The following VPS13A variants were observed in gnomAD, a reference collection of about 807,000 sequenced individuals.
The protein encoded by VPS13A is intermembrane lipid transfer protein VPS13A.
In VPS13A, 264 loss-of-function variants were observed where a neutral mutation model predicts 390.9. The observed-to-expected ratio is 0.68, with a 90% CI of 0.61 to 0.75. The LOEUF (loss-of-function observed/expected upper bound fraction) is 0.75. VPS13A is among the 30% of genes least tolerant of loss of function. The pLI, the probability that VPS13A is intolerant of heterozygous loss-of-function variation, is 0.00. For synonymous variants in VPS13A, 1,231 were observed against 1,227.1 expected (o/e 1.00, Z -0.07); for missense variants, 3,409 against 3,733.9 (o/e 0.91, Z 2.27).
chr9:77,189,037 A>C (rs146641431), intron 1 of VPS13A, among the ~76,000 whole-genome samples: 1 of 151,888 alleles, frequency 6.6e-6, no homozygotes, highest in East Asian at 1.9e-4. Flanking sequence ...TATAGCTTGC[A>C]AATGTTTTCT....
At chr9:77,328,121 T>C (rs1490221186) in intron 45 of VPS13A, among the ~76,000 whole-genome samples, 1 of 152,228 alleles carries the variant, frequency 6.6e-6, no homozygotes, top group East Asian at 1.9e-4. Context: ...ATCAATTTGC[T>C]ACAGAATAGA....
intron 23 of VPS13A, among the ~76,000 whole-genome samples, chr9:77,262,434 G>GT (rs548494268): frequency 4.1e-4 from 62 of 151,260 alleles, no homozygotes; most frequent in East Asian, 3.9e-3. Flanking sequence ...TGTAAAGAAG[G>GT]TTTTTTTTTA....
intron 19 of VPS13A, 43 bp from the exon 20 acceptor site, chr9:77,247,216 A>G (rs751458387): frequency 1.3e-5 from 19 of 1,461,342 alleles, no homozygotes; most frequent in Non-Finnish European, 1.8e-5. Context: ...TTTCTCGAGT[A>G]ATTTGTGAAA....
At chr9:77,403,452 C>G in intron 69 of VPS13A, 131 bp downstream of exon 69, 1 of 777,790 alleles carries the variant, frequency 1.3e-6, no homozygotes, top group Non-Finnish European at 2.2e-6. Flanking sequence ...GCTCCACAAG[C>G]CTAACTCGCT....
intron 23 of VPS13A, among the ~76,000 whole-genome samples, chr9:77,261,195 G>A (rs915771497): frequency 2.0e-5 from 3 of 151,816 alleles, no homozygotes; most frequent in Non-Finnish European, 2.9e-5. Flanking sequence ...CACCGTGCCC[G>A]GCCTGTATTC....
intron 17 of VPS13A, among the ~76,000 whole-genome samples, chr9:77,228,705 C>T (rs1351309633): frequency 6.6e-6 from 1 of 152,062 alleles, no homozygotes; most frequent in Non-Finnish European, 1.5e-5. Context: ...TGTATTAGTC[C>T]ATTTTCATGC....
Position 77,323,320 on chromosome 9 carries a change from A to T in VPS13A, c.5991+93A>T, listed in dbSNP as rs1399497959. 7.6e-6 allele frequency: 11 copies of T among 1,450,956 alleles called. No homozygotes were observed. In the East Asian group the frequency reaches 2.6e-4, roughly 34 times the overall value. The allele number at this position is 1,450,956 out of a possible 1,614,324, so 89.9% of individuals were successfully genotyped here. On this transcript the variant is annotated intron_variant, in intron 45 of 71. Transcript: ENST00000360280. ...ACAACAACAAATTATTACTGAAAGA[A>T]TATAAACCGTAACAGTAATACAGCT...
Position 77,226,543 on chromosome 9 carries a change from A to G in VPS13A, c.1302A>G (p.Leu434=), listed in dbSNP as rs776673056. 1.5e-5 allele frequency: 24 copies of G among 1,613,200 alleles called. No homozygotes were observed. The highest frequency in any genetic ancestry group is 5.5e-5 in the South Asian group (5 of 91,060). ...ATAATAAAGGGTGGTTTAGCTGGCT[A>G]TGGTCTTGGTCAGAACAAAATACTA... ...PEDNKGWFSW[L]WSWSEQNTNE... Residue 434 remains leucine, a synonymous_variant, in exon 15 of 72, where the codon CTA becomes CTG. Coordinates refer to ENST00000360280, the MANE Select transcript of VPS13A (RefSeq NM_033305.3).
intron 45 of VPS13A, among the ~76,000 whole-genome samples, chr9:77,324,992 G>T (rs1381463136): frequency 2.0e-5 from 3 of 152,124 alleles, no homozygotes; most frequent in Admixed American, 2.0e-4. Context: ...CCTTTCTTAG[G>T]AATAGAAAGC....
intron 33 of VPS13A, among the ~76,000 whole-genome samples, chr9:77,298,521 G>A (rs1421099732): frequency 6.6e-6 from 1 of 152,148 alleles, no homozygotes; most frequent in African/African-American, 2.4e-5. Context: ...TGAATTAATA[G>A]TGTATCATTT....
At chr9:77,400,483 T>G (rs1482058945) in intron 68 of VPS13A, among the ~76,000 whole-genome samples, 1 of 152,094 alleles carries the variant, frequency 6.6e-6, no homozygotes, top group African/African-American at 2.4e-5. Flanking sequence ...TAACAATTTT[T>G]TATGTTGTGT....
chr9:77,316,333 C>G lies in VPS13A; in HGVS notation c.4790C>G (p.Thr1597Ser). The stretch of plus-strand genomic sequence containing the variant: ...GGTAACCTTGAAAATAGTACAATGA[C>G]TGCTGCCATTAAAGATCTCCAAGTG... ...YKGNLENSTM[T>S]AAIKDLQVRA... Residue 1597 changes from threonine (T) to serine (S), a missense_variant, in exon 39 of 72, where the codon ACT becomes AGT. This residue lies in a region of VPS13A where 2,717 missense variants were observed against 2,917.4 expected (regional missense o/e 0.93). Transcript: ENST00000360280. 6.2e-7 allele frequency: 1 copy of G among 1,613,212 alleles called. No individual in the cohort carries two copies.
chr9:77,286,091 G>A (rs759597598), intron 31 of VPS13A, among the ~76,000 whole-genome samples: 1 of 152,190 alleles, frequency 6.6e-6, no homozygotes, highest in Non-Finnish European at 1.5e-5. Flanking sequence ...GTTTTCATAG[G>A]AGGCACATAG....
intron 40 of VPS13A, 68 bp downstream of exon 40, chr9:77,317,766 T>G: frequency 8.3e-7 from 1 of 1,202,362 alleles, no homozygotes; most frequent in Non-Finnish European, 1.2e-6. Context: ...TAGAAAGTTA[T>G]TATAGCAAGT....
chr9:77,416,209 A>G lies in VPS13A; in HGVS notation c.*203A>G. ...AACAGCTATGTGATTAAAATATTTTAATTCTTCAGCAATTACCCGGTTTTC... is the reference window on the plus strand; with the variant it reads ...AACAGCTATGTGATTAAAATATTTTGATTCTTCAGCAATTACCCGGTTTTC... On this transcript the variant is annotated 3_prime_UTR_variant, in exon 72 of 72. Transcript: ENST00000360280. 1.9e-6 allele frequency: 1 copy of G among 535,896 alleles called. No homozygotes were observed. Among genetic ancestry groups the G allele is most frequent in the Non-Finnish European group, 3.4e-6 (1 of 298,270 alleles). 33.2% of individuals were successfully genotyped at this position (535,896 alleles called of 1,614,324 possible).
chr9:77,282,991 T>C (rs181697252), intron 29 of VPS13A, among the ~76,000 whole-genome samples: 91 of 152,168 alleles, frequency 6.0e-4, no homozygotes, highest in Non-Finnish European at 8.7e-4. Flanking sequence ...CAGAGCATAT[T>C]TTAAAATCAG....
At chr9:77,377,203 G>GTTTTTTTTTTT (rs61562443) in intron 67 of VPS13A, among the ~76,000 whole-genome samples, 4 of 69,066 alleles carry the variant, frequency 5.8e-5, no homozygotes, top group African/African-American at 1.7e-4. Flanking sequence ...TTTTGATGCT[G>GTTTTTTTTTTT]TTTTTTTTTT....
chr9:77,380,381 C>T (rs1009999937), intron 67 of VPS13A, among the ~76,000 whole-genome samples: 8 of 152,060 alleles, frequency 5.3e-5, no homozygotes, highest in South Asian at 2.1e-4. Flanking sequence ...GGCATGATCT[C>T]GGCTCACTGC....
intron 68 of VPS13A, among the ~76,000 whole-genome samples, chr9:77,400,565 T>C (rs959611418): frequency 3.9e-5 from 6 of 152,016 alleles, no homozygotes; most frequent in Admixed American, 1.3e-4. Flanking sequence ...CGGTGGCTCA[T>C]GCCTGTAATC....
Sources: gnomAD v4.1 joint callset for allele counts (sites outside exome capture counted in the v4.1 genomes callset) on GRCh38, gnomAD v4.1.1 for gene constraint, gnomAD v4.1.1 regional missense constraint, MANE v1.5 for transcripts, NCBI Gene and HGNC (gene_info 2026-07-23, HGNC 2026-07-21) for gene names.